MCTP1: variants seen among roughly 807,000 people sequenced by gnomAD.
MCTP1 encodes the protein multiple C2 and transmembrane domain containing 1.
Under a neutral mutation model 120.6 loss-of-function variants are expected in MCTP1, and 69 were observed. That is an observed-to-expected ratio of 0.57 (90% CI 0.47 to 0.70). The LOEUF is 0.70. Among genes scored for constraint, MCTP1 ranks in the 30% least tolerant of loss-of-function variants. The pLI is 0.00. For missense variants in MCTP1, 1,203 were observed against 1,248.8 expected (o/e 0.96, Z 0.55); for synonymous variants, 529 against 493.1 (o/e 1.07, Z -0.96).
In MCTP1 at chr5:94,872,054, G is replaced by A. The variant is rs1479698512; in HGVS notation, c.2037-637C>T. 6.6e-5 allele frequency among the ~76,000 whole-genome samples: 10 copies of A among 152,166 alleles called. No homozygotes were observed. The South Asian group carries it at 1.4e-3, about 22-fold the overall frequency. On this transcript the variant is annotated intron_variant, in intron 13 of 22. Transcript: ENST00000515393. Reference sequence around the variant, plus strand: ...CCAAAGACAACATATGTTAATAAACGACTGCGTGAGCTCTTCATATTTTTA... The same window carrying A: ...CCAAAGACAACATATGTTAATAAACAACTGCGTGAGCTCTTCATATTTTTA...
chr5:95,239,790 T>C (rs1426531481), intron 1 of MCTP1, among the ~76,000 whole-genome samples: 1 of 152,192 alleles, frequency 6.6e-6, no homozygotes, highest in East Asian at 1.9e-4. Context: ...GGACAGATGA[T>C]CTCTCTTCCT....
chr5:94,961,580 T>C (rs1824204137), intron 2 of MCTP1, among the ~76,000 whole-genome samples: 1 of 152,180 alleles, frequency 6.6e-6, no homozygotes, highest in African/African-American at 2.4e-5. Context: ...GTACAATATA[T>C]ATCATACCAT....
chr5:94,855,463 A>AC (rs1440759320), intron 17 of MCTP1, among the ~76,000 whole-genome samples: 1 of 151,616 alleles, frequency 6.6e-6, no homozygotes, highest in Non-Finnish European at 1.5e-5. Flanking sequence ...AGGGCATTTG[A>AC]CCCCCCAACT....
At chr5:94,884,578 A>G (rs1380043900) in intron 12 of MCTP1, among the ~76,000 whole-genome samples, 1 of 137,682 alleles carries the variant, frequency 7.3e-6, no homozygotes, top group African/African-American at 2.7e-5. Flanking sequence ...GGACCATCTA[A>G]AAGTGTCTGA....
intron 2 of MCTP1, among the ~76,000 whole-genome samples, chr5:94,974,838 T>C (rs1827740483): frequency 6.6e-6 from 1 of 152,120 alleles, no homozygotes; most frequent in South Asian, 2.1e-4. Context: ...ATTACTATCA[T>C]TAACTGGAAT....
At chr5:95,091,943 G>A (rs999097856) in intron 1 of MCTP1, among the ~76,000 whole-genome samples, 1 of 152,202 alleles carries the variant, frequency 6.6e-6, no homozygotes, top group Non-Finnish European at 1.5e-5. Context: ...AAAGTCTTAT[G>A]AGAAGAAGTT....
intron 1 of MCTP1, chr5:95,154,351 C>A (rs866159391): frequency 6.6e-6 from 1 of 152,132 alleles, no homozygotes; most frequent in Non-Finnish European, 1.5e-5. Context: ...CCAACAGAAA[C>A]CTGAGGCCAA....
At chr5:94,986,049 T>C (rs754865294) in intron 2 of MCTP1, among the ~76,000 whole-genome samples, 1 of 152,192 alleles carries the variant, frequency 6.6e-6, no homozygotes, top group Non-Finnish European at 1.5e-5. Context: ...TAGAAAAATA[T>C]GAAAATACTA....
At chr5:95,193,937 G>A (rs533507162) in intron 1 of MCTP1, among the ~76,000 whole-genome samples, 25 of 152,274 alleles carry the variant, frequency 1.6e-4, no homozygotes, top group Admixed American at 1.3e-3. Flanking sequence ...AAAGCCAGGC[G>A]TGGTGCTTCA....
At chr5:95,060,833 G>A (rs193206875) in intron 1 of MCTP1, among the ~76,000 whole-genome samples, 15 of 151,782 alleles carry the variant, frequency 9.9e-5, no homozygotes, top group South Asian at 4.2e-4. Flanking sequence ...TTAGCCAAGC[G>A]TGGTGGTGCA....
At chr5:94,736,716 A>T (rs748684325) in intron 19 of MCTP1, among the ~76,000 whole-genome samples, 1 of 152,194 alleles carries the variant, frequency 6.6e-6, no homozygotes, top group African/African-American at 2.4e-5. Context: ...CACAGAGTCC[A>T]TGAAGATCTC....
intron 19 of MCTP1, among the ~76,000 whole-genome samples, chr5:94,758,797 C>T (rs1038622589): frequency 6.6e-6 from 1 of 152,044 alleles, no homozygotes; most frequent in Non-Finnish European, 1.5e-5. Flanking sequence ...ATTTTGTTAT[C>T]ATGGAGAAAA....
chr5:95,194,114 G>T (rs1750120550), intron 1 of MCTP1, among the ~76,000 whole-genome samples: 1 of 152,146 alleles, frequency 6.6e-6, no homozygotes, highest in South Asian at 2.1e-4. Flanking sequence ...TCCTCGGGAG[G>T]TTGAGGCAGG....
intron 1 of MCTP1, among the ~76,000 whole-genome samples, chr5:95,046,178 G>A (rs1385177556): frequency 1.3e-5 from 2 of 152,102 alleles, no homozygotes; most frequent in Admixed American, 6.5e-5. Flanking sequence ...AACCACATGA[G>A]AGAACTCATG....
At chr5:94,736,879 T>G (rs958196145) in intron 19 of MCTP1, among the ~76,000 whole-genome samples, 4 of 152,212 alleles carry the variant, frequency 2.6e-5, no homozygotes, top group African/African-American at 9.7e-5. Flanking sequence ...AAAAGTTCAT[T>G]AACTCATTGA....
chr5:94,935,973 T>A (rs1816089146), intron 5 of MCTP1, among the ~76,000 whole-genome samples: 1 of 152,088 alleles, frequency 6.6e-6, no homozygotes, highest in Non-Finnish European at 1.5e-5. Context: ...ATTGGATCTC[T>A]GATTTTTAAC....
intron 1 of MCTP1, among the ~76,000 whole-genome samples, chr5:95,133,133 T>C (rs1471423767): frequency 1.3e-5 from 2 of 152,202 alleles, no homozygotes; most frequent in African/African-American, 4.8e-5. Context: ...AAGCTTTTTA[T>C]GGGAGACAAT....
At chr5:94,749,829 T>C (rs909544899) in intron 19 of MCTP1, among the ~76,000 whole-genome samples, 17 of 152,142 alleles carry the variant, frequency 1.1e-4, no homozygotes, top group Non-Finnish European at 4.4e-5. Flanking sequence ...ATACATTTTA[T>C]CAATGCTGTA....
chr5:95,069,982 C>T (rs944681542), intron 1 of MCTP1, among the ~76,000 whole-genome samples: 3 of 152,244 alleles, frequency 2.0e-5, no homozygotes, highest in Admixed American at 6.5e-5. Context: ...GGATTACAAG[C>T]GAGAGCCATC....
Sources: allele counts gnomAD v4.1 joint callset (sites outside exome capture counted in the v4.1 genomes callset), GRCh38; gene constraint gnomAD v4.1.1; transcripts MANE v1.5; gene names NCBI Gene and HGNC (gene_info 2026-07-23, HGNC 2026-07-21).